SPDYE18: variants seen among roughly 807,000 people sequenced by gnomAD.
SPDYE18 encodes the protein speedy/RINGO cell cycle regulator family member E18, also known as speedy protein E18.
Under a neutral mutation model 44.9 loss-of-function variants are expected in SPDYE18, and 6 were observed. The ratio of observed to expected loss-of-function variants is 0.13; its 90% CI spans 0.07 to 0.26. The LOEUF is 0.26. Ranked by LOEUF, SPDYE18 falls within the 10% of genes least tolerant of loss-of-function variation. The pLI, the probability that SPDYE18 is intolerant of heterozygous loss-of-function variation, is 1.00. For synonymous variants in SPDYE18, 35 were observed against 177.1 expected (o/e 0.20, Z 6.37); for missense variants, 121 against 463.2 (o/e 0.26, Z 6.78).
At chr7:77,061,845 C>T (rs962327457) in intron 1 of SPDYE18, among the ~76,000 whole-genome samples, 5 of 119,130 alleles carry the variant, frequency 4.2e-5, no homozygotes, top group Non-Finnish European at 8.2e-5. Context: ...TGTGGGTTCC[C>T]GGCTGGGCTC....
intron 3 of SPDYE18, among the ~76,000 whole-genome samples, chr7:77,058,225 G>T (rs1199495146): frequency 1.8e-5 from 2 of 108,818 alleles, no homozygotes; most frequent in Non-Finnish European, 3.6e-5. Context: ...TCCGCCTCCT[G>T]GGTTCCAGTG....
rs546620293 is a variant in SPDYE18, at chr7:77,062,128, C to G, written c.-422+368G>C. Reference sequence around the variant, plus strand: ...GGGCAACAAGAGCAAAACTCCATCTCAAAAAAAATAACCTGCGAGTGAGTT... The same window carrying G: ...GGGCAACAAGAGCAAAACTCCATCTGAAAAAAAATAACCTGCGAGTGAGTT... On this transcript the variant is annotated intron_variant, in intron 1 of 8. Coordinates refer to ENST00000510091, the MANE Select transcript of SPDYE18 (RefSeq NM_001394953.1). 7.1e-5 allele frequency among the ~76,000 whole-genome samples: 10 copies of G among 141,568 alleles called. 1 individual carries two copies. The highest frequency in any genetic ancestry group is 2.5e-4 in the African/African-American group (10 of 40,362). 92.9% of individuals were successfully genotyped at this position (141,568 alleles called of 152,430 possible).
chr7:77,058,116 C>CTTTTTTTTT (rs375559743), intron 3 of SPDYE18, among the ~76,000 whole-genome samples: 107 of 62,074 alleles, frequency 1.7e-3, no homozygotes, highest in Non-Finnish European at 2.1e-3. Flanking sequence ...CTCTGAGTCT[C>CTTTTTTTTT]TTTTTTTTTT....
intron 7 of SPDYE18, 33 bp downstream of exon 7, chr7:77,052,927 C>T (rs955745486): frequency 1.9e-6 from 3 of 1,608,968 alleles, no homozygotes; most frequent in South Asian, 1.1e-5. Context: ...CCGATTCCTC[C>T]CCACCTCCTC....
intron 8 of SPDYE18, among the ~76,000 whole-genome samples, chr7:77,052,300 A>G (rs1422569078): frequency 2.0e-5 from 3 of 151,962 alleles, no homozygotes; most frequent in South Asian, 2.1e-4. Context: ...CCTTAATCCT[A>G]CCTCCTCATG....
intron 4 of SPDYE18, among the ~76,000 whole-genome samples, chr7:77,057,312 T>C (rs1359810555): frequency 6.6e-6 from 1 of 151,918 alleles, no homozygotes; most frequent in African/African-American, 2.4e-5. Context: ...AGTGCAGTGG[T>C]GTAGTCATAG....
Position 77,053,197 on chromosome 7 carries a change from C to T in SPDYE18, c.762G>A (p.Leu254=). ...CGTCGTCCTCCTCCATGTCATTGGC[C>T]AGGTAGCTGAGGACAGAAATCAGGT... ...QRIHFFLALY[L]ANDMEEDDED... Residue 254 remains leucine (L), a synonymous_variant, in exon 7 of 9, where the codon CTG becomes CTA. Coordinates refer to ENST00000510091, the MANE Select transcript of SPDYE18 (RefSeq NM_001394953.1). 6.8e-6 allele frequency: 11 copies of T among 1,613,392 alleles called. No homozygotes were observed. The highest frequency in any genetic ancestry group is 1.3e-5 in the African/African-American group (1 of 74,954).
chr7:77,061,851 G>A lies in SPDYE18; in HGVS notation c.-422+645C>T, dbSNP rs377261574. Among the ~76,000 whole-genome samples, 356 of 111,302 alleles carry A rather than the reference G, an allele frequency of 3.2e-3. 2 individuals are homozygous for A. The highest frequency in any genetic ancestry group is 0.013 in the African/African-American group (318 of 24,434). The allele number at this position is 111,302 out of a possible 152,430, so 73.0% of individuals were successfully genotyped here. ...CAAAAAACCTGTGGGTTCCCGGCTG[G>A]GCTCAGTGGCTCATGCCTGTAATCC... is the stretch of plus-strand genomic sequence containing the variant. On this transcript the variant is annotated intron_variant, in intron 1 of 8. Coordinates refer to ENST00000510091, the MANE Select transcript of SPDYE18 (RefSeq NM_001394953.1).
rs1354695535 is a variant in SPDYE18 at position 77,050,996 on chromosome 7, G to C, written c.*929C>G. The stretch of plus-strand genomic sequence containing the variant: ...TCAAAATAAACCAATAAATTAGATA[G>C]TATGTATTAGACGTGTTAGTATATA... On this transcript the variant is annotated 3_prime_UTR_variant, in exon 9 of 9. Coordinates refer to ENST00000510091, the MANE Select transcript of SPDYE18 (RefSeq NM_001394953.1). 1.3e-5 allele frequency among the ~76,000 whole-genome samples: 2 copies of C among 151,648 alleles called. No individual in the cohort carries two copies. Among genetic ancestry groups the C allele is most frequent in the African/African-American group, 2.4e-5 (1 of 41,422 alleles).
chr7:77,054,501 ACCC>A (rs1485179458), intron 6 of SPDYE18, among the ~76,000 whole-genome samples: 3 of 148,190 alleles, frequency 2.0e-5, no homozygotes, highest in Non-Finnish European at 4.5e-5. Flanking sequence ...ACTCCAGGAG[ACCC>A]CAGCAGGGAG....
At position 77,050,983 on chromosome 7, in the gene SPDYE18, A is replaced by G. The variant is rs1436701976; in HGVS notation, c.*942T>C. The stretch of plus-strand genomic sequence containing the variant: ...ATACCCATGTTTTTCAAAATAAACC[A>G]ATAAATTAGATAGTATGTATTAGAC... On this transcript the variant is annotated 3_prime_UTR_variant, in exon 9 of 9. Transcript: ENST00000510091. 6.6e-6 allele frequency among the ~76,000 whole-genome samples: 1 copy of G among 151,676 alleles called. No individual in the cohort carries two copies. The highest frequency in any genetic ancestry group is 6.6e-5 in the Admixed American group (1 of 15,252).
intron 6 of SPDYE18, among the ~76,000 whole-genome samples, chr7:77,054,590 A>G (rs1789883424): frequency 6.6e-6 from 1 of 152,138 alleles, no homozygotes; most frequent in Non-Finnish European, 1.5e-5. Flanking sequence ...GAGGAGGTCG[A>G]TGGCGTTTGT....
At position 77,051,701 on chromosome 7, in the gene SPDYE18, C is replaced by T. The variant is rs1789801900; in HGVS notation, c.*224G>A. ...GGACTCCTAGAAGGACCCCACCCCC[C>T]TCCCCCCACCCCTGCTCCCAGGAGG... On this transcript the variant is annotated 3_prime_UTR_variant, in exon 9 of 9. Transcript: ENST00000510091. Among the ~76,000 whole-genome samples, 1 of 131,600 alleles carries T rather than the reference C, an allele frequency of 7.6e-6. No homozygotes were observed. Among genetic ancestry groups the T allele is most frequent in the African/African-American group, 2.7e-5 (1 of 36,920 alleles). 86.3% of individuals were successfully genotyped at this position (131,600 alleles called of 152,430 possible).
intron 5 of SPDYE18, 148 bp downstream of exon 5, chr7:77,056,402 T>C (rs1214011297): frequency 6.7e-6 from 4 of 600,270 alleles, no homozygotes; most frequent in Admixed American, 4.5e-5. Context: ...AGAGCAAGAC[T>C]CTGTCTCACA....
chr7:77,060,299 C>G (rs1790000654), intron 2 of SPDYE18, 54 bp downstream of exon 2: 4 of 1,533,476 alleles, frequency 2.6e-6, no homozygotes, highest in Non-Finnish European at 3.5e-6. Flanking sequence ...ACCCGGCCCC[C>G]TTCCTTCGTC....
chr7:77,059,149 AT>A (rs1326716226), intron 3 of SPDYE18, 30 bp downstream of exon 3: 1 of 1,572,300 alleles, frequency 6.4e-7, no homozygotes, highest in African/African-American at 1.4e-5. Flanking sequence ...AAAGAACAGG[AT>A]TGGAGGTGCT....
At position 77,050,504 on chromosome 7, in the gene SPDYE18, C is replaced by T. The variant is rs542258466; in HGVS notation, c.*1421G>A. On this transcript the variant is annotated 3_prime_UTR_variant, in exon 9 of 9. Coordinates refer to ENST00000510091, the MANE Select transcript of SPDYE18 (RefSeq NM_001394953.1). ...CATGTCCTCCTTTAGAACACACATCCTCTTTAAAGTAACATACAAAGATGC... is the reference window on the plus strand; with the variant it reads ...CATGTCCTCCTTTAGAACACACATCTTCTTTAAAGTAACATACAAAGATGC... Among the ~76,000 whole-genome samples, 1 of 152,346 alleles carries T rather than the reference C, an allele frequency of 6.6e-6. No homozygotes were observed. Among genetic ancestry groups the T allele is most frequent in the East Asian group, 1.9e-4 (1 of 5,192 alleles).
rs2066104250 is a variant in SPDYE18 at position 77,051,046 on chromosome 7, A to C, written c.*879T>G. ...ATATCTGAGACATGTTAAAAATCACAACTGAATTCTCACAATTCAGTCACA... is the reference window on the plus strand; with the variant it reads ...ATATCTGAGACATGTTAAAAATCACCACTGAATTCTCACAATTCAGTCACA... On this transcript the variant is annotated 3_prime_UTR_variant, in exon 9 of 9. Coordinates refer to ENST00000510091, the MANE Select transcript of SPDYE18 (RefSeq NM_001394953.1). Among the ~76,000 whole-genome samples the C allele has an allele frequency of 6.6e-6, 1 of 151,958 alleles. No individual in the cohort carries two copies. Among genetic ancestry groups the C allele is most frequent in the Non-Finnish European group, 1.5e-5 (1 of 67,958 alleles).
At chr7:77,062,353 G>GCT (rs933547449) in intron 1 of SPDYE18, among the ~76,000 whole-genome samples, 143 bp downstream of exon 1, 12 of 148,806 alleles carry the variant, frequency 8.1e-5, no homozygotes, top group African/African-American at 2.2e-4. Flanking sequence ...AAAATCGTTT[G>GCT]CTCTCTCTCT....
Sources: gnomAD v4.1 joint callset for allele counts (sites outside exome capture counted in the v4.1 genomes callset) on GRCh38, gnomAD v4.1.1 for gene constraint, MANE v1.5 for transcripts, NCBI Gene and HGNC (gene_info 2026-07-23, HGNC 2026-07-21) for gene names.